ERC2: variants seen among roughly 807,000 people sequenced by gnomAD.
The protein encoded by ERC2 is ERC protein 2.
In ERC2, 42 loss-of-function variants were observed where a neutral mutation model predicts 114.8. That is an observed-to-expected ratio of 0.37 (90% CI 0.29 to 0.47). The LOEUF (loss-of-function observed/expected upper bound fraction) is 0.47. Among genes scored for constraint, ERC2 ranks in the 20% least tolerant of loss-of-function variants. The pLI, the probability that ERC2 is intolerant of heterozygous loss-of-function variation, is 0.99. For synonymous variants in ERC2, 454 were observed against 425.5 expected, an observed-to-expected ratio of 1.07 and a Z score of -0.82; for missense variants, 939 against 1,150.7, an observed-to-expected ratio of 0.82 and a Z score of 2.66.
chr3:55,812,857 A>G (rs1008869250), intron 14 of ERC2, among the ~76,000 whole-genome samples: 1 of 152,244 alleles, frequency 6.6e-6, no homozygotes, highest in Non-Finnish European at 1.5e-5. Flanking sequence ...GTGTGCATGC[A>G]TGTGTGTGCA....
intron 14 of ERC2, among the ~76,000 whole-genome samples, chr3:55,742,088 C>T (rs1432265008): frequency 6.6e-6 from 1 of 151,364 alleles, no homozygotes; most frequent in Non-Finnish European, 1.5e-5. Flanking sequence ...ATGGTTTTAG[C>T]CACCCTGAAA....
intron 14 of ERC2, among the ~76,000 whole-genome samples, chr3:55,825,368 A>G (rs1484200025): frequency 1.1e-4 from 16 of 152,258 alleles, no homozygotes; most frequent in Admixed American, 1.0e-3. Flanking sequence ...ATTGAAAAAT[A>G]CAATATACAG....
intron 1 of ERC2, among the ~76,000 whole-genome samples, chr3:56,445,628 G>T (rs2062525006): frequency 6.6e-6 from 1 of 152,040 alleles, no homozygotes; most frequent in Non-Finnish European, 1.5e-5. Flanking sequence ...GCTTCCCATG[G>T]CCTGAGGCCC....
At chr3:56,343,398 G>C (rs2058180117) in intron 2 of ERC2, among the ~76,000 whole-genome samples, 1 of 151,904 alleles carries the variant, frequency 6.6e-6, no homozygotes, top group Non-Finnish European at 1.5e-5. Flanking sequence ...AGGCACAATG[G>C]GTTATGCCTG....
chr3:55,586,097 T>C (rs1438380345), intron 17 of ERC2, among the ~76,000 whole-genome samples: 3 of 151,980 alleles, frequency 2.0e-5, no homozygotes, highest in African/African-American at 7.3e-5. Context: ...GAGGCCCCCA[T>C]AGGCCTGACT....
At chr3:56,392,064 T>C (rs568729910) in intron 2 of ERC2, among the ~76,000 whole-genome samples, 1 of 152,312 alleles carries the variant, frequency 6.6e-6, no homozygotes, top group Non-Finnish European at 1.5e-5. Flanking sequence ...GTGTAAATAA[T>C]AGCAAAGATG....
intron 14 of ERC2, among the ~76,000 whole-genome samples, chr3:55,828,768 T>C (rs2060442015): frequency 6.6e-6 from 1 of 151,814 alleles, no homozygotes; most frequent in African/African-American, 2.4e-5. Context: ...CTAACCAGGT[T>C]GACTGCTAAG....
At chr3:55,864,611 A>C (rs1289302919) in intron 14 of ERC2, among the ~76,000 whole-genome samples, 1 of 152,198 alleles carries the variant, frequency 6.6e-6, no homozygotes, top group Non-Finnish European at 1.5e-5. Context: ...TATTTTATCA[A>C]AAAGCAAGGC....
chr3:56,186,636 T>G (rs936479630), intron 3 of ERC2, among the ~76,000 whole-genome samples: 4 of 152,166 alleles, frequency 2.6e-5, no homozygotes, highest in Non-Finnish European at 4.4e-5. Context: ...CCTCCTGGGT[T>G]CAGGTGATTC....
intron 3 of ERC2, among the ~76,000 whole-genome samples, chr3:56,186,643 A>G (rs1199795409): frequency 6.6e-6 from 1 of 152,068 alleles, no homozygotes; most frequent in East Asian, 1.9e-4. Context: ...GGTTCAGGTG[A>G]TTCTCCTGCC....
intron 2 of ERC2, among the ~76,000 whole-genome samples, chr3:56,359,179 C>T (rs1331324327): frequency 6.6e-6 from 1 of 152,222 alleles, no homozygotes; most frequent in Non-Finnish European, 1.5e-5. Context: ...AGTGGGGAGT[C>T]TATCACAGAA....
At chr3:55,546,252 T>G (rs757212427) in intron 17 of ERC2, among the ~76,000 whole-genome samples, 3 of 152,162 alleles carry the variant, frequency 2.0e-5, no homozygotes, top group Non-Finnish European at 4.4e-5. Context: ...CTTCACAGAC[T>G]AGGCTGGCTC....
rs1271639282 is a variant in ERC2 at position 55,901,411 on chromosome 3, C to T, written c.2404-12862G>A. 2.0e-5 allele frequency among the ~76,000 whole-genome samples: 3 copies of T among 152,164 alleles called. No homozygotes were observed. The East Asian group carries it at 5.8e-4, about 29-fold the overall frequency. On this transcript the variant is annotated intron_variant, in intron 13 of 17. Coordinates refer to ENST00000288221, the MANE Select transcript of ERC2 (RefSeq NM_015576.3). ...CTCATCTGGAGCAGCTCAGGGTCCT[C>T]TTCCAAGCTCATGGAGTTGAAAGAT...
intron 17 of ERC2, among the ~76,000 whole-genome samples, chr3:55,513,761 G>C (rs1380020770): frequency 5.3e-5 from 8 of 152,048 alleles, no homozygotes. Flanking sequence ...AGCCCCTCAA[G>C]GAGCTAGGAC....
chr3:55,709,859 G>A (rs1002000692), intron 15 of ERC2, among the ~76,000 whole-genome samples: 1 of 152,146 alleles, frequency 6.6e-6, no homozygotes, highest in African/African-American at 2.4e-5. Context: ...CAGCTGGGAG[G>A]GAGAACGAGA....
intron 17 of ERC2, among the ~76,000 whole-genome samples, chr3:55,549,125 T>A (rs116448066): frequency 0.024 from 3,601 of 152,210 alleles, 86 homozygotes; most frequent in African/African-American, 0.057. Flanking sequence ...AACAGAGAAC[T>A]GAATTTGGCT....
At chr3:55,565,528 A>T (rs1172749666) in intron 17 of ERC2, among the ~76,000 whole-genome samples, 2 of 152,004 alleles carry the variant, frequency 1.3e-5, no homozygotes, top group Non-Finnish European at 2.9e-5. Flanking sequence ...TCCCTCTAAT[A>T]TATCAGCATG....
At chr3:56,426,323 GT>G (rs2061568510) in intron 2 of ERC2, among the ~76,000 whole-genome samples, 1 of 152,214 alleles carries the variant, frequency 6.6e-6, no homozygotes, top group Non-Finnish European at 1.5e-5. Context: ...CACATAGAAA[GT>G]GCTCATCCAC....
At chr3:56,168,477 AGG>A (rs1230696024) in intron 4 of ERC2, among the ~76,000 whole-genome samples, 1 of 152,210 alleles carries the variant, frequency 6.6e-6, no homozygotes, top group African/African-American at 2.4e-5. Flanking sequence ...AAATAAACCT[AGG>A]TAGGCCCTAC....
Sources: allele counts gnomAD v4.1 joint callset (sites outside exome capture counted in the v4.1 genomes callset), GRCh38; gene constraint gnomAD v4.1.1; transcripts MANE v1.5; gene names NCBI Gene and HGNC (gene_info 2026-07-23, HGNC 2026-07-21).